The following SLC22A16 variants were observed in gnomAD, a reference collection of about 807,000 sequenced individuals.
SLC22A16 encodes the protein WUGSC:RG331P03.1.
SLC22A16 carries 53 observed loss-of-function variants against 52.9 expected under a neutral mutation model. The ratio of observed to expected loss-of-function variants is 1.00; its 90% confidence interval spans 0.80 to 1.26. The LOEUF (loss-of-function observed/expected upper bound fraction) is 1.26, where lower values mean the gene tolerates loss of function less well. Ranked by LOEUF, SLC22A16 falls within the 50% of genes most tolerant of loss-of-function variation. The pLI, the probability that SLC22A16 is intolerant of heterozygous loss-of-function variation, is 0.00. For synonymous variants in SLC22A16, 291 were observed against 268.8 expected, an observed-to-expected ratio of 1.08 and a Z score of -0.81; for missense variants, 726 against 704.0, an observed-to-expected ratio of 1.03 and a Z score of -0.35.
rs1236368309 is a variant in SLC22A16 at position 110,424,795 on chromosome 6, G to A, written c.*78C>T. 1.3e-6 allele frequency: 2 copies of A among 1,503,118 alleles called. No individual in the cohort carries two copies. The highest frequency in any genetic ancestry group is 1.8e-6 in the Non-Finnish European group (2 of 1,093,868). 93.1% of individuals were successfully genotyped at this position (1,503,118 alleles called of 1,614,324 possible). On this transcript the variant is annotated 3_prime_UTR_variant, in exon 8 of 8. Transcript: ENST00000368919. Reference sequence around the variant, plus strand: ...AAAGACATACAAACAACATATGGGAGATGAGAATAAGATTCCTCTAATACA... The same window carrying A: ...AAAGACATACAAACAACATATGGGAAATGAGAATAAGATTCCTCTAATACA...
intron 2 of SLC22A16, among the ~76,000 whole-genome samples, chr6:110,449,728 C>A (rs140115508): frequency 4.7e-4 from 71 of 152,260 alleles, no homozygotes; most frequent in African/African-American, 1.6e-3. Context: ...TTTAGAAATG[C>A]CTCCCAAATA....
At chr6:110,438,243 C>T (rs1481289375) in intron 5 of SLC22A16, among the ~76,000 whole-genome samples, 3 of 152,184 alleles carry the variant, frequency 2.0e-5, no homozygotes, top group Admixed American at 2.0e-4. Context: ...AAGGTGTGAT[C>T]GACTTTCCTC....
intron 7 of SLC22A16, among the ~76,000 whole-genome samples, chr6:110,430,596 C>G (rs147001177): frequency 6.6e-6 from 1 of 152,164 alleles, no homozygotes; most frequent in Non-Finnish European, 1.5e-5. Context: ...GCAGTGCTCA[C>G]GTGCCTTCCC....
chr6:110,452,229 T>C (rs1775413089), intron 2 of SLC22A16, among the ~76,000 whole-genome samples: 1 of 152,238 alleles, frequency 6.6e-6, no homozygotes. Flanking sequence ...TTTCATATTT[T>C]TAGGTTTCTG....
chr6:110,470,705 C>A (rs1387989359), intron 1 of SLC22A16, among the ~76,000 whole-genome samples: 2 of 152,112 alleles, frequency 1.3e-5, no homozygotes, highest in African/African-American at 2.4e-5. Flanking sequence ...CACACATACA[C>A]CAACACAGCA....
At chr6:110,436,010 G>T in intron 5 of SLC22A16, 49 bp from the exon 6 acceptor site, 1 of 1,197,376 alleles carries the variant, frequency 8.4e-7, no homozygotes, top group Non-Finnish European at 1.2e-6. Context: ...ATTTTTAAAG[G>T]AAAATAGAAA....
intron 7 of SLC22A16, among the ~76,000 whole-genome samples, chr6:110,425,949 G>T (rs138645241): frequency 1.3e-5 from 2 of 152,082 alleles, no homozygotes; most frequent in Non-Finnish European, 2.9e-5. Context: ...ATAAATTAAG[G>T]TGTGGCTTTT....
At chr6:110,474,868 T>A in intron 1 of SLC22A16, 2 of 511,836 alleles carry the variant, frequency 3.9e-6, no homozygotes, top group South Asian at 2.9e-5. Flanking sequence ...AAACACCAAC[T>A]AATATAATTA....
intron 4 of SLC22A16, among the ~76,000 whole-genome samples, chr6:110,439,445 T>C (rs981068326): frequency 1.3e-5 from 2 of 152,204 alleles, no homozygotes; most frequent in African/African-American, 4.8e-5. Context: ...TCATAGAGAA[T>C]GAGTTTGAAG....
At chr6:110,432,379 T>C (rs552471342) in intron 6 of SLC22A16, among the ~76,000 whole-genome samples, 1 of 152,366 alleles carries the variant, frequency 6.6e-6, no homozygotes, top group East Asian at 1.9e-4. Context: ...AATACTATAA[T>C]ATTCATAATT....
chr6:110,471,125 A>G (rs1228324721), intron 1 of SLC22A16, among the ~76,000 whole-genome samples: 2 of 152,226 alleles, frequency 1.3e-5, no homozygotes, highest in Non-Finnish European at 2.9e-5. Context: ...TGAACCACAT[A>G]TACAACAGTG....
At chr6:110,473,350 C>T (rs1302903765) in intron 1 of SLC22A16, among the ~76,000 whole-genome samples, 1 of 152,044 alleles carries the variant, frequency 6.6e-6, no homozygotes, top group Non-Finnish European at 1.5e-5. Context: ...AGGTTCAGAT[C>T]CTCCCAACAC....
rs185158967 is a variant in SLC22A16 at position 110,469,707 on chromosome 6, G to T, written c.53+6815C>A. On this transcript the variant is annotated intron_variant, in intron 1 of 7. Coordinates refer to ENST00000368919, the MANE Select transcript of SLC22A16 (RefSeq NM_033125.4). ...GTGAATCGCTGATGTAAATAAAGTG[G>T]GAAATTAATCTTGCTTAAGGAAACA... is the stretch of plus-strand genomic sequence containing the variant. 5.2e-3 allele frequency among the ~76,000 whole-genome samples: 796 copies of T among 152,122 alleles called. 1 individual carries two copies. The highest frequency in any genetic ancestry group is 0.02 in the Middle Eastern group (6 of 294).
intron 1 of SLC22A16, among the ~76,000 whole-genome samples, chr6:110,467,500 G>A (rs1373974324): frequency 6.6e-6 from 1 of 152,192 alleles, no homozygotes; most frequent in Non-Finnish European, 1.5e-5. Flanking sequence ...CTGTGGTTCA[G>A]TCACTTTAGT....
At chr6:110,469,704 G>T (rs1776195523) in intron 1 of SLC22A16, among the ~76,000 whole-genome samples, 1 of 152,130 alleles carries the variant, frequency 6.6e-6, no homozygotes, top group East Asian at 1.9e-4. Flanking sequence ...TGTAAATAAA[G>T]TGGGAAATTA....
intron 2 of SLC22A16, among the ~76,000 whole-genome samples, chr6:110,448,883 G>A (rs1043372737): frequency 1.3e-5 from 2 of 152,006 alleles, no homozygotes; most frequent in Admixed American, 6.6e-5. Flanking sequence ...TCTTTGTATC[G>A]GCTTGTGCCT....
At chr6:110,442,119 T>G in intron 4 of SLC22A16, 125 bp downstream of exon 4, 1 of 848,834 alleles carries the variant, frequency 1.2e-6, no homozygotes, top group South Asian at 1.8e-5. Flanking sequence ...GGCAGTATTG[T>G]TCCTGGTTTT....
Position 110,439,004 on chromosome 6 carries a change from C to T in SLC22A16, c.1184-157G>A, listed in dbSNP as rs939681864. On this transcript the variant is annotated intron_variant, in intron 4 of 7. Coordinates refer to ENST00000368919, the MANE Select transcript of SLC22A16 (RefSeq NM_033125.4). The stretch of plus-strand genomic sequence containing the variant: ...AGAATTGCTGCGAGGCAGCCAGCCC[C>T]GCCACTTTTAAACTCACTACAGTAA... Among the ~76,000 whole-genome samples, 7 of 152,230 alleles carry T rather than the reference C, an allele frequency of 4.6e-5. No individual in the cohort carries two copies. In the East Asian group the frequency reaches 9.6e-4, roughly 21 times the overall value.
intron 5 of SLC22A16, among the ~76,000 whole-genome samples, chr6:110,436,730 T>C (rs899498269): frequency 3.9e-5 from 6 of 152,220 alleles, no homozygotes; most frequent in African/African-American, 1.4e-4. Context: ...TATTTGAAAG[T>C]GGTAACTATT....
Sources: gnomAD v4.1 joint callset for allele counts (sites outside exome capture counted in the v4.1 genomes callset) on GRCh38, gnomAD v4.1.1 for gene constraint, MANE v1.5 for transcripts, NCBI Gene and HGNC (gene_info 2026-07-23, HGNC 2026-07-21) for gene names.